The following GYPB variants were observed in gnomAD, a reference collection of about 807,000 sequenced individuals.
GYPB encodes glycophorin-B.
GYPB carries 13 observed loss-of-function variants against 15.3 expected under a neutral mutation model. The observed-to-expected ratio is 0.85, with a 90% CI of 0.55 to 1.35. The LOEUF (loss-of-function observed/expected upper bound fraction) is 1.35, where lower values mean the gene tolerates loss of function less well. Among genes scored for constraint, GYPB ranks in the 40% most tolerant of loss-of-function variants. The pLI is 0.00. For missense variants in GYPB, 131 were observed against 108.3 expected, an observed-to-expected ratio of 1.21 and a Z score of -0.93; for synonymous variants, 38 against 36.9, an observed-to-expected ratio of 1.03 and a Z score of -0.11.
downstream of GYPB, among the ~76,000 whole-genome samples, chr4:143,995,531 C>A (rs550581080): frequency 1.3e-5 from 2 of 151,320 alleles, no homozygotes; most frequent in South Asian, 4.2e-4. Context: ...CTTTCTGAGG[C>A]GTGGGCATCC....
In GYPB at chr4:143,999,545, C is replaced by T; in HGVS notation, c.137-96G>A. 5.8e-6 allele frequency: 4 copies of T among 686,542 alleles called. No homozygotes were observed. The South Asian group carries it at 6.8e-5, about 12-fold the overall frequency. The allele number at this position is 686,542 out of a possible 1,614,324, so 42.5% of individuals were successfully genotyped here. The stretch of plus-strand genomic sequence containing the variant: ...CAAACTGTTCTGCGGGTTTCCTTTT[C>T]TTAATCATATTTTGAGAGTTGTTGG... On this transcript the variant is annotated intron_variant, in intron 2 of 4. Transcript: ENST00000502664.
chr4:144,002,193 C>T (rs1727664744), intron 1 of GYPB, among the ~76,000 whole-genome samples: 1 of 151,158 alleles, frequency 6.6e-6, no homozygotes, highest in Admixed American at 6.6e-5. Context: ...TATTTGGGAA[C>T]TACAAGAAAG....
chr4:144,011,111 T>C (rs1413797912), intron 1 of GYPB, among the ~76,000 whole-genome samples: 1 of 151,550 alleles, frequency 6.6e-6, no homozygotes, highest in Non-Finnish European at 1.5e-5. Flanking sequence ...ACTGGTGCAA[T>C]GGCTCATGCC....
chr4:144,013,716 C>A (rs1182240972), intron 1 of GYPB, among the ~76,000 whole-genome samples: 2 of 121,616 alleles, frequency 1.6e-5, no homozygotes, highest in African/African-American at 3.3e-5. Flanking sequence ...GGGAATTGAA[C>A]AATGAGATCA....
At chr4:143,997,774 C>G (rs1560703329) in intron 3 of GYPB, 140 bp from the exon 4 acceptor site, 4 of 615,092 alleles carry the variant, frequency 6.5e-6, no homozygotes, top group Non-Finnish European at 1.2e-5. Context: ...TGTATTTTGT[C>G]TTTTTTTAAA....
chr4:144,007,478 G>A (rs1250917385), intron 1 of GYPB, among the ~76,000 whole-genome samples: 1 of 151,024 alleles, frequency 6.6e-6, no homozygotes, highest in East Asian at 1.9e-4. Flanking sequence ...CCTTCAGGAA[G>A]CCTGAACTTT....
chr4:143,997,305 A>G (rs766164396), intron 4 of GYPB: 7 of 383,136 alleles, frequency 1.8e-5, no homozygotes, highest in Admixed American at 8.6e-5. Context: ...ACTTAGGGAG[A>G]TCTTTCATTG....
At chr4:143,999,584 T>A (rs1396281814) in intron 2 of GYPB, 135 bp from the exon 3 acceptor site, 2 of 603,698 alleles carry the variant, frequency 3.3e-6, no homozygotes, top group African/African-American at 3.9e-5. Context: ...ACTTTCAACA[T>A]CTAGCTAGTA....
chr4:143,999,305 A>G (rs1375383023), intron 3 of GYPB, 106 bp downstream of exon 3: 1 of 672,264 alleles, frequency 1.5e-6, no homozygotes, highest in South Asian at 1.7e-5. Flanking sequence ...AGTTAACAAC[A>G]TATGCTCTTC....
chr4:144,013,051 T>C (rs1728299066), intron 1 of GYPB, among the ~76,000 whole-genome samples: 1 of 151,646 alleles, frequency 6.6e-6, no homozygotes, highest in Non-Finnish European at 1.5e-5. Context: ...ATAGTATATC[T>C]GATAAGACTC....
intron 1 of GYPB, among the ~76,000 whole-genome samples, chr4:144,009,967 G>A (rs1392495558): frequency 6.6e-6 from 1 of 150,998 alleles, no homozygotes; most frequent in African/African-American, 2.5e-5. Context: ...AACTTGTAAG[G>A]TATACAAAAC....
chr4:143,999,206 G>T (rs1727483927), intron 3 of GYPB: 1 of 456,452 alleles, frequency 2.2e-6, no homozygotes, highest in Non-Finnish European at 4.0e-6. Flanking sequence ...ACGGCCCCTG[G>T]CCCCCAAAAT....
At chr4:144,014,850 G>T (rs1728409583) in intron 1 of GYPB, among the ~76,000 whole-genome samples, 1 of 151,562 alleles carries the variant, frequency 6.6e-6, no homozygotes, top group African/African-American at 2.4e-5. Flanking sequence ...ATGGCACAAA[G>T]TAAGTGCTAT....
intron 1 of GYPB, among the ~76,000 whole-genome samples, chr4:144,016,148 A>G (rs1728487421): frequency 1.4e-5 from 2 of 145,908 alleles, no homozygotes; most frequent in Non-Finnish European, 3.0e-5. Flanking sequence ...CTGAAAAAAA[A>G]AAAAAAAAAA....
chr4:144,008,840 T>C, intron 1 of GYPB, among the ~76,000 whole-genome samples: 1 of 151,528 alleles, frequency 6.6e-6, no homozygotes, highest in East Asian at 1.9e-4. Flanking sequence ...ATCTGTGATA[T>C]CCAGGCATTG....
At chr4:144,006,264 A>G (rs1269681625) in intron 1 of GYPB, among the ~76,000 whole-genome samples, 4 of 151,944 alleles carry the variant, frequency 2.6e-5, no homozygotes, top group African/African-American at 7.3e-5. Flanking sequence ...GGCTCATCTC[A>G]CAGCTTATAC....
At chr4:144,012,911 T>C (rs1728290303) in intron 1 of GYPB, among the ~76,000 whole-genome samples, 1 of 151,700 alleles carries the variant, frequency 6.6e-6, no homozygotes, top group African/African-American at 2.4e-5. Context: ...TATTTTTAGA[T>C]ATGATATCAA....
At position 144,001,113 on chromosome 4, in the gene GYPB, G is replaced by A. The variant is rs1467817303; in HGVS notation, c.136+72C>T. On this transcript the variant is annotated intron_variant, in intron 2 of 4. Coordinates refer to ENST00000502664, the MANE Select transcript of GYPB (RefSeq NM_002100.6). The stretch of plus-strand genomic sequence containing the variant: ...TTTGTCAGTTTCTCTGCAGTGACAG[G>A]TCCCCTAAAATAGGGTTGCATCACA... The A allele has an allele frequency of 1.2e-5, 20 of 1,610,714 alleles. No homozygotes were observed. The East Asian group carries it at 3.6e-4, about 29-fold the overall frequency.
chr4:143,999,883 A>G (rs1257913527), intron 2 of GYPB, among the ~76,000 whole-genome samples: 2 of 151,540 alleles, frequency 1.3e-5, no homozygotes, highest in African/African-American at 2.5e-5. Context: ...GATTTATGCC[A>G]TAGCCACTGT....
Sources: gnomAD v4.1 joint callset for allele counts (sites outside exome capture counted in the v4.1 genomes callset) on GRCh38, gnomAD v4.1.1 for gene constraint, MANE v1.5 for transcripts, NCBI Gene and HGNC (gene_info 2026-07-23, HGNC 2026-07-21) for gene names.